Variants in EXOC6 observed in about 807,000 individuals in gnomAD.
The protein encoded by EXOC6 is exocyst complex component 6, also known as SEC15-like 1.
Under a neutral mutation model 112.5 loss-of-function variants are expected in EXOC6, and 60 were observed. That is an observed-to-expected ratio of 0.53 (90% CI 0.43 to 0.66). The LOEUF is 0.66. Ranked by LOEUF, EXOC6 falls within the 30% of genes least tolerant of loss-of-function variation. EXOC6 has a pLI of 0.00. For synonymous variants in EXOC6, 295 were observed against 308.0 expected, an observed-to-expected ratio of 0.96 and a Z score of 0.44; for missense variants, 855 against 957.1, an observed-to-expected ratio of 0.89 and a Z score of 1.41.
At chr10:93,043,706 A>G (rs1845889572) in intron 20 of EXOC6, among the ~76,000 whole-genome samples, 1 of 152,222 alleles carries the variant, frequency 6.6e-6, no homozygotes, top group Admixed American at 6.5e-5. Flanking sequence ...TTGTACTCTC[A>G]TAGTGCAGAT....
chr10:92,914,562 A>G (rs1850979069), intron 6 of EXOC6, among the ~76,000 whole-genome samples: 1 of 152,210 alleles, frequency 6.6e-6, no homozygotes, highest in Admixed American at 6.5e-5. Flanking sequence ...ATGATTTTAT[A>G]CTCTGAGGAC....
chr10:92,934,223 A>AT, intron 10 of EXOC6, 33 bp downstream of exon 10: 1 of 1,521,848 alleles, frequency 6.6e-7, no homozygotes, highest in Non-Finnish European at 8.9e-7. Flanking sequence ...ACTATTATTA[A>AT]TTTTATATTA....
chr10:92,946,177 TC>T (rs1327627878), intron 13 of EXOC6, among the ~76,000 whole-genome samples: 4 of 151,914 alleles, frequency 2.6e-5, no homozygotes, highest in African/African-American at 9.7e-5. Context: ...GCGCCTGTAG[TC>T]CCAGCTGCTC....
intron 1 of EXOC6, among the ~76,000 whole-genome samples, chr10:92,863,065 T>C (rs1209512158): frequency 6.6e-6 from 1 of 152,238 alleles, no homozygotes; most frequent in East Asian, 1.9e-4. Flanking sequence ...ATAATAAAAC[T>C]ATCTGTAGAT....
Position 92,960,411 on chromosome 10 carries a change from GCT to G in EXOC6, c.1773+4700_1773+4701del, listed in dbSNP as rs544891859. 5.0e-4 allele frequency among the ~76,000 whole-genome samples: 76 copies of G among 152,202 alleles called. No homozygotes were observed. The Middle Eastern group carries it at 0.01, about 20-fold the overall frequency. ...GGATGTTTAGGGCAGTGAGACTATT[GCT>G]CTAAAAGTATGTAATTGTGTATACA... is the stretch of plus-strand genomic sequence containing the variant. On this transcript the variant is annotated intron_variant, in intron 17 of 21. Transcript: ENST00000260762.
intron 8 of EXOC6, among the ~76,000 whole-genome samples, chr10:92,927,003 T>C (rs1012677497): frequency 2.0e-5 from 3 of 152,220 alleles, no homozygotes; most frequent in African/African-American, 7.2e-5. Flanking sequence ...TTATAGCTTA[T>C]TGAAATTATT....
intron 5 of EXOC6, among the ~76,000 whole-genome samples, chr10:92,907,820 A>T (rs1012923975): frequency 1.3e-5 from 2 of 152,058 alleles, no homozygotes; most frequent in African/African-American, 4.8e-5. Context: ...GTATTATCAA[A>T]ATTATTGTAA....
intron 18 of EXOC6, among the ~76,000 whole-genome samples, chr10:92,988,517 T>A (rs1448955370): frequency 6.6e-6 from 1 of 152,196 alleles, no homozygotes; most frequent in Non-Finnish European, 1.5e-5. Flanking sequence ...CTTCAGTCCA[T>A]CCTATATACC....
chr10:92,911,930 T>TGTGTG (rs1564823550), intron 6 of EXOC6, among the ~76,000 whole-genome samples: 33 of 53,394 alleles, frequency 6.2e-4, no homozygotes, highest in African/African-American at 1.9e-3. Flanking sequence ...TCTCTCTCTC[T>TGTGTG]CTGTGTGCGT....
intron 7 of EXOC6, 151 bp from the exon 8 acceptor site, chr10:92,919,831 T>C: frequency 2.0e-6 from 1 of 491,166 alleles, no homozygotes; most frequent in South Asian, 4.0e-5. Context: ...AAGAAGGTTT[T>C]GCGTTTATAG....
chr10:93,019,108 G>T (rs367983880), intron 20 of EXOC6, among the ~76,000 whole-genome samples: 50 of 151,910 alleles, frequency 3.3e-4, no homozygotes, highest in Middle Eastern at 3.4e-3. Context: ...TTTATTGATT[G>T]ATTTATTTAT....
At chr10:93,046,046 T>A (rs932972320) in intron 20 of EXOC6, among the ~76,000 whole-genome samples, 7 of 152,220 alleles carry the variant, frequency 4.6e-5, no homozygotes, top group African/African-American at 1.7e-4. Context: ...AGCCCTATTA[T>A]CAGTATATAT....
At position 92,997,457 on chromosome 10, in the gene EXOC6, T is replaced by G; in HGVS notation, c.1954-17T>G. 1 of 1,590,182 alleles carries G rather than the reference T, an allele frequency of 6.3e-7. No homozygotes were observed. The highest frequency in any genetic ancestry group is 8.6e-7 in the Non-Finnish European group (1 of 1,167,058). On this transcript the variant is annotated splice_polypyrimidine_tract_variant and intron_variant, in intron 18 of 21. Transcript: ENST00000260762. ...TGTGTTTATTTGTTTGATTTTTGGT[T>G]TGATTGTTTTAAACAGGGGAAAGTT...
At chr10:92,839,352 G>C (rs1020722846) in intron 1 of EXOC6, among the ~76,000 whole-genome samples, 1 of 152,156 alleles carries the variant, frequency 6.6e-6, no homozygotes, top group Non-Finnish European at 1.5e-5. Flanking sequence ...GCTGTCCGGG[G>C]CCATGTTCGA....
intron 5 of EXOC6, among the ~76,000 whole-genome samples, chr10:92,902,524 AT>A (rs1020102112): frequency 1.3e-5 from 2 of 150,712 alleles, no homozygotes; most frequent in African/African-American, 2.4e-5. Flanking sequence ...TGATCTCCAA[AT>A]TTTTTTTTCA....
chr10:93,023,925 C>A (rs1353712491), intron 20 of EXOC6, among the ~76,000 whole-genome samples: 1 of 151,962 alleles, frequency 6.6e-6, no homozygotes, highest in Non-Finnish European at 1.5e-5. Flanking sequence ...TCACATATAA[C>A]TGAATTTTCC....
intron 1 of EXOC6, among the ~76,000 whole-genome samples, chr10:92,892,973 C>G (rs1034766719): frequency 2.0e-5 from 3 of 152,174 alleles, no homozygotes; most frequent in African/African-American, 7.2e-5. Context: ...GCATTTAGAA[C>G]ATGAGCGTTT....
intron 20 of EXOC6, among the ~76,000 whole-genome samples, chr10:93,052,550 A>T (rs529942740): frequency 6.6e-6 from 1 of 152,356 alleles, no homozygotes; most frequent in South Asian, 2.1e-4. Context: ...CAGATTAGTT[A>T]TGAAGGGTAT....
chr10:92,844,030 A>G (rs549816825), upstream of EXOC6, among the ~76,000 whole-genome samples: 8 of 147,486 alleles, frequency 5.4e-5, no homozygotes, highest in African/African-American at 1.8e-4. Context: ...ACGTGCCTGT[A>G]GTCCCAGCTA....
Sources: gnomAD v4.1 joint callset for allele counts (sites outside exome capture counted in the v4.1 genomes callset) on GRCh38, gnomAD v4.1.1 for gene constraint, MANE v1.5 for transcripts, NCBI Gene and HGNC (gene_info 2026-07-23, HGNC 2026-07-21) for gene names.